The following GPR39 variants were observed in gnomAD, a reference collection of about 807,000 sequenced individuals.
The protein encoded by GPR39 is zinc sensing receptor.
In GPR39, 23 loss-of-function variants were observed where a neutral mutation model predicts 18.4. The ratio of observed to expected loss-of-function variants is 1.25; its 90% CI spans 0.90 to 1.77. The LOEUF (loss-of-function observed/expected upper bound fraction) is 1.77. Ranked by LOEUF, GPR39 falls within the 40% of genes most tolerant of loss-of-function variation. The pLI, the probability that GPR39 is intolerant of heterozygous loss-of-function variation, is 0.00. For missense variants in GPR39, 647 were observed against 602.4 expected (o/e 1.07, Z -0.78); for synonymous variants, 280 against 257.9 (o/e 1.09, Z -0.82).
chr2:132,646,524 G>GAATACCTGTT lies in GPR39; in HGVS notation c.*923_*932dup. The GAATACCTGTT allele has an allele frequency of 2.6e-6, 1 of 384,850 alleles. No individual in the cohort carries two copies. The highest frequency in any genetic ancestry group is 4.6e-6 in the Non-Finnish European group (1 of 218,062). 23.8% of individuals were successfully genotyped at this position (384,850 alleles called of 1,614,324 possible). On this transcript the variant is annotated 3_prime_UTR_variant, in exon 2 of 2. Transcript: ENST00000329321. ...AGCGATTTGAGATGCCAATACCTGT[G>GAATACCTGTT]AATACCTGTTAATAAAGAGCTGTTA...
chr2:132,472,652 A>G (rs759787859), intron 1 of GPR39, among the ~76,000 whole-genome samples: 47 of 152,286 alleles, frequency 3.1e-4, no homozygotes, highest in African/African-American at 9.4e-4. Context: ...GGTAAGTGAC[A>G]TGGTAGTGAC....
intron 1 of GPR39, among the ~76,000 whole-genome samples, chr2:132,456,304 CT>C (rs55848082): frequency 0.41 from 58,305 of 142,662 alleles, 12,669 homozygotes; most frequent in East Asian, 0.85. Flanking sequence ...GCAACCCCTG[CT>C]TTTTTTTTTT....
In GPR39 at chr2:132,541,552, G is replaced by A. The variant is rs138357113; in HGVS notation, c.857-103549G>A. Among the ~76,000 whole-genome samples the A allele has an allele frequency of 3.3e-4, 51 of 152,344 alleles. 1 individual carries two copies. The East Asian group carries it at 9.7e-3, about 29-fold the overall frequency. On this transcript the variant is annotated intron_variant, in intron 1 of 1. Transcript: ENST00000329321. ...CCTTCCTCATTGACAACTGAAAAGT[G>A]AAGGAAAATGGCACAGGTTGGCCAG...
intron 1 of GPR39, among the ~76,000 whole-genome samples, chr2:132,468,853 C>G (rs902674020): frequency 9.2e-5 from 14 of 152,162 alleles, no homozygotes; most frequent in African/African-American, 3.4e-4. Flanking sequence ...GCAGGGTGAC[C>G]TTTGCTTGTC....
intron 1 of GPR39, among the ~76,000 whole-genome samples, chr2:132,523,212 C>T (rs1480511255): frequency 6.6e-6 from 1 of 152,176 alleles, no homozygotes; most frequent in Non-Finnish European, 1.5e-5. Context: ...ACCTGTTAAA[C>T]ATTAAGAACT....
At position 132,645,618 on chromosome 2, in the gene GPR39, G is replaced by C. The variant is rs371035597; in HGVS notation, c.*12G>C. On this transcript the variant is annotated 3_prime_UTR_variant, in exon 2 of 2. Transcript: ENST00000329321. ...AGCATGAAGTTTGAATGTCAAGCGAGGGAGCCTTGAGTGGGAACTGGCCCT... is the reference window on the plus strand; with the variant it reads ...AGCATGAAGTTTGAATGTCAAGCGACGGAGCCTTGAGTGGGAACTGGCCCT... 2.0e-5 allele frequency: 32 copies of C among 1,603,770 alleles called. No homozygotes were observed. Among genetic ancestry groups the C allele is most frequent in the Non-Finnish European group, 2.6e-5 (30 of 1,174,702 alleles).
intron 1 of GPR39, among the ~76,000 whole-genome samples, chr2:132,584,176 G>C (rs1680680566): frequency 6.6e-6 from 1 of 152,124 alleles, no homozygotes; most frequent in Admixed American, 6.5e-5. Flanking sequence ...CACGTGACCT[G>C]GCCTGTGGTG....
At chr2:132,488,943 G>T (rs981715343) in intron 1 of GPR39, 7 of 153,384 alleles carry the variant, frequency 4.6e-5, no homozygotes, top group South Asian at 4.0e-4. Flanking sequence ...TGGGACCACT[G>T]TCCCATCCTG....
chr2:132,643,942 C>T (rs972552343), intron 1 of GPR39, among the ~76,000 whole-genome samples: 2 of 152,118 alleles, frequency 1.3e-5, no homozygotes, highest in African/African-American at 4.8e-5. Flanking sequence ...TTTCTTACTA[C>T]GATTGAAATG....
chr2:132,562,557 C>T (rs1310996318), intron 1 of GPR39, among the ~76,000 whole-genome samples: 4 of 152,104 alleles, frequency 2.6e-5, no homozygotes, highest in Admixed American at 6.5e-5. Flanking sequence ...TATTCTCCTT[C>T]GTCTTTAAGA....
chr2:132,457,567 C>A (rs965232109), intron 1 of GPR39, among the ~76,000 whole-genome samples: 2 of 152,146 alleles, frequency 1.3e-5, no homozygotes, highest in Middle Eastern at 3.2e-3. Context: ...GAGGTGTCTC[C>A]CAGTTAGGCT....
chr2:132,627,494 G>A (rs1375961411), intron 1 of GPR39, among the ~76,000 whole-genome samples: 1 of 152,190 alleles, frequency 6.6e-6, no homozygotes, highest in Admixed American at 6.5e-5. Context: ...AATATGCCGA[G>A]TAATGATGTA....
chr2:132,449,219 C>T (rs1041308859), intron 1 of GPR39, among the ~76,000 whole-genome samples: 3 of 124,738 alleles, frequency 2.4e-5, no homozygotes, highest in African/African-American at 5.8e-5. Flanking sequence ...TTTTCTTTTT[C>T]CTTTCCTTCG....
At chr2:132,609,337 T>A (rs1045981969) in intron 1 of GPR39, among the ~76,000 whole-genome samples, 3 of 152,176 alleles carry the variant, frequency 2.0e-5, no homozygotes, top group Admixed American at 1.3e-4. Flanking sequence ...CCGTGCCAGG[T>A]ATTGTGCTGT....
intron 1 of GPR39, among the ~76,000 whole-genome samples, chr2:132,530,924 G>A (rs1214244559): frequency 1.3e-5 from 2 of 152,080 alleles, no homozygotes; most frequent in Non-Finnish European, 2.9e-5. Context: ...GACCATCAAG[G>A]CTAGGAAGAA....
At chr2:132,615,113 C>T (rs1233812045) in intron 1 of GPR39, among the ~76,000 whole-genome samples, 1 of 152,130 alleles carries the variant, frequency 6.6e-6, no homozygotes, top group Non-Finnish European at 1.5e-5. Flanking sequence ...TTGGGAGGTG[C>T]ATTTTTAAGT....
At chr2:132,491,544 T>C (rs762278546) in intron 1 of GPR39, among the ~76,000 whole-genome samples, 18 of 151,862 alleles carry the variant, frequency 1.2e-4, no homozygotes, top group Non-Finnish European at 1.9e-4. Context: ...GTAGGAGTGA[T>C]TGGTGGCATG....
intron 1 of GPR39, among the ~76,000 whole-genome samples, chr2:132,493,614 C>T (rs1360704841): frequency 6.6e-6 from 1 of 150,492 alleles, no homozygotes; most frequent in Non-Finnish European, 1.5e-5. Context: ...ATGAGTCTGC[C>T]ATTTCTGATA....
Position 132,607,835 on chromosome 2 carries a change from T to C in GPR39, c.857-37266T>C, listed in dbSNP as rs536552100. On this transcript the variant is annotated intron_variant, in intron 1 of 1. Transcript: ENST00000329321. ...CGCTTTGATTTTTAATTTTACGCTC[T>C]TGGCAGGCAATCAGGGTCTTTAATA... is the stretch of plus-strand genomic sequence containing the variant. 9.6e-4 allele frequency among the ~76,000 whole-genome samples: 146 copies of C among 152,352 alleles called. 1 individual carries two copies. Among genetic ancestry groups the C allele is most frequent in the African/African-American group, 3.5e-3 (145 of 41,590 alleles).
Sources: gnomAD v4.1 joint callset for allele counts (sites outside exome capture counted in the v4.1 genomes callset) on GRCh38, gnomAD v4.1.1 for gene constraint, MANE v1.5 for transcripts, NCBI Gene and HGNC (gene_info 2026-07-23, HGNC 2026-07-21) for gene names.